The following F8 variants were observed in gnomAD, a reference collection of about 807,000 sequenced individuals.
The protein encoded by F8 is antihemophilic factor.
A neutral mutation model predicts 140.6 loss-of-function variants in F8; 12 were observed. The observed-to-expected ratio is 0.09, with a 90% confidence interval of 0.05 to 0.14. F8 has a LOEUF of 0.14. Ranked by LOEUF, F8 falls within the 10% of genes least tolerant of loss-of-function variation. The pLI, the probability that F8 is intolerant of heterozygous loss-of-function variation, is 1.00. For missense variants in F8, 1,354 were observed against 1,720.7 expected (o/e 0.79, Z 3.77); for synonymous variants, 585 against 614.6 (o/e 0.95, Z 0.71).
At chrX:154,982,537 C>T (rs1603436022) in intron 6 of F8, among the ~76,000 whole-genome samples, 1 of 108,643 alleles carries the variant, frequency 9.2e-6, no homozygotes, top group African/African-American at 3.3e-5. Flanking sequence ...TCATTTATTA[C>T]CATAAAATAT....
Position 154,999,567 on chromosome X carries a change from G to A in F8, c.177C>T (p.Phe59=). 1.7e-6 allele frequency: 2 copies of A among 1,208,043 alleles called. No homozygotes were observed. The highest frequency in any genetic ancestry group is 3.5e-5 in the South Asian group (2 of 56,885). ...FPPRVPKSFP[F]NTSVVYKKTL... ...TCTTTTTGTACACGACTGAGGTGTTGAATGGAAAAGATTTTGGCACTCTAG... is the reference window on the plus strand; with the variant it reads ...TCTTTTTGTACACGACTGAGGTGTTAAATGGAAAAGATTTTGGCACTCTAG... The change falls in exon 2 of 26, where the codon TTC becomes TTT. Residue 59 remains phenylalanine (F), a synonymous_variant. Transcript: ENST00000360256.
rs73563653 is a variant in F8 at position 154,918,432 on chromosome X, C to T, written c.5219+10139G>A. Among the ~76,000 whole-genome samples the T allele has an allele frequency of 8.4e-3, 934 of 110,889 alleles. 14 individuals are homozygous for T. The highest frequency in any genetic ancestry group is 0.029 in the African/African-American group (890 of 30,513). Reference sequence around the variant, plus strand: ...CTAGAGGCAATCAGGCTGCTTCCCACGGATTGAGGCAGGAATGATTTTTCT... The same window carrying T: ...CTAGAGGCAATCAGGCTGCTTCCCATGGATTGAGGCAGGAATGATTTTTCT... On this transcript the variant is annotated intron_variant, in intron 14 of 25. Transcript: ENST00000360256.
At chrX:154,941,023 C>T (rs1177584466) in intron 13 of F8, among the ~76,000 whole-genome samples, 2 of 111,981 alleles carry the variant, frequency 1.8e-5, no homozygotes, top group Non-Finnish European at 3.8e-5. Context: ...AAGCACTAAA[C>T]ATGGAAAGGA....
At chrX:154,982,231 A>C (rs901847620) in intron 6 of F8, among the ~76,000 whole-genome samples, 13 of 106,687 alleles carry the variant, frequency 1.2e-4, no homozygotes, top group Non-Finnish European at 2.3e-4. Flanking sequence ...GTGGATCACG[A>C]GGTCAGGAGA....
rs137852419 is a variant in F8 at position 154,957,049 on chromosome X, T to C, written c.1660A>G (p.Ser554Gly). 8.3e-7 allele frequency: 1 copy of C among 1,209,299 alleles called. No individual in the cohort carries two copies. The highest frequency in any genetic ancestry group is 2.2e-5 in the Admixed American group (1 of 45,951). ...DPRCLTRYYS[S>G]FVNMERDLAS... is the part of the protein sequence containing the mutation. ...AGATCTCTCTCCATATTAACGAAAC[T>C]AGAGTAATAGCGGGTCAGGCACCGA... Residue 554 changes from serine (S) to glycine (G), a missense_variant, in exon 11 of 26, where the codon AGT becomes GGT. By Grantham distance (56) the Ser-to-Gly change is moderately conservative. This residue lies in a region of F8 where 252 missense variants were observed against 338.5 expected (regional missense o/e 0.74). Coordinates refer to ENST00000360256, the MANE Select transcript of F8 (RefSeq NM_000132.4).
chrX:154,943,245 T>A (rs1188292071), intron 13 of F8, among the ~76,000 whole-genome samples: 1 of 111,690 alleles, frequency 9.0e-6, no homozygotes, highest in Non-Finnish European at 1.9e-5. Context: ...TTTGCAGATG[T>A]CAGGATTGTA....
intron 5 of F8, among the ~76,000 whole-genome samples, chrX:154,985,366 G>A (rs893978470): frequency 4.1e-4 from 45 of 110,988 alleles, no homozygotes; most frequent in African/African-American, 1.3e-3. Flanking sequence ...AACCTGGGAG[G>A]TGGACGTTGC....
chrX:154,982,152 C>G (rs1479604497), intron 6 of F8, among the ~76,000 whole-genome samples: 9 of 105,630 alleles, frequency 8.5e-5, no homozygotes, highest in Non-Finnish European at 5.8e-5. Context: ...CCACTGCACT[C>G]CAGCCTGGGT....
At chrX:155,019,293 G>A (rs1337795637) in intron 1 of F8, among the ~76,000 whole-genome samples, 1 of 112,047 alleles carries the variant, frequency 8.9e-6, no homozygotes, top group African/African-American at 3.2e-5. Context: ...TAGAAGGAAT[G>A]TTCACTTTCA....
chrX:154,895,157 A>G (rs184355168), intron 22 of F8, among the ~76,000 whole-genome samples: 179 of 112,099 alleles, frequency 1.6e-3, no homozygotes, highest in African/African-American at 5.4e-3. Context: ...AAATATGCCA[A>G]TCTTTTGCCA....
intron 14 of F8, among the ~76,000 whole-genome samples, chrX:154,913,415 C>G (rs2073078359): frequency 9.0e-6 from 1 of 111,705 alleles, no homozygotes; most frequent in Non-Finnish European, 1.9e-5. Context: ...AGAATCATGC[C>G]TTTCCAACAG....
rs28430439 is a variant in F8 at position 154,893,289 on chromosome X, A to G, written c.6429+2788T>C. Among the ~76,000 whole-genome samples, 386 of 112,271 alleles carry G rather than the reference A, an allele frequency of 3.4e-3. 1 individual carries two copies. The highest frequency in any genetic ancestry group is 5.7e-3 in the Non-Finnish European group (303 of 53,221). On this transcript the variant is annotated intron_variant, in intron 22 of 25. Transcript: ENST00000360256. ...ACCACCTTGAGCACATGTTCTCAGG[A>G]TCTCCTGAGGGCTGTGTCACAGGCC...
intron 4 of F8, among the ~76,000 whole-genome samples, chrX:154,990,283 T>C (rs1557284550): frequency 8.9e-6 from 1 of 111,875 alleles, no homozygotes. Flanking sequence ...TTTGAGTTAT[T>C]TGAATATTTT....
At position 154,954,051 on chromosome X, in the gene F8, T is replaced by TG; in HGVS notation, c.1753-10_1753-9insC. ...CTCTTGTCTGACATTATCTGTTAAT[T>TG]ACATATATTGAAAGGGGTAAAGAAA... On this transcript the variant is annotated splice_polypyrimidine_tract_variant and intron_variant, in intron 11 of 25. Transcript: ENST00000360256. The TG allele has an allele frequency of 8.3e-7, 1 of 1,208,654 alleles. No individual in the cohort carries two copies. The highest frequency in any genetic ancestry group is 1.1e-6 in the Non-Finnish European group (1 of 892,555).
chrX:154,947,579 C>A, intron 13 of F8, 119 bp downstream of exon 13: 1 of 592,312 alleles, frequency 1.7e-6, no homozygotes, highest in Non-Finnish European at 2.9e-6. Context: ...AACTAGATCC[C>A]TGTACCTCAA....
intron 25 of F8, among the ~76,000 whole-genome samples, chrX:154,847,419 A>G (rs1557271818): frequency 8.9e-6 from 1 of 112,041 alleles, no homozygotes; most frequent in East Asian, 2.8e-4. Context: ...TTTCAGGTAC[A>G]CTAATCAGAC....
intron 25 of F8, among the ~76,000 whole-genome samples, chrX:154,844,836 G>A (rs1557271593): frequency 9.1e-6 from 1 of 109,833 alleles, no homozygotes; most frequent in Non-Finnish European, 1.9e-5. Flanking sequence ...ATGTTGAATA[G>A]GAGTGGTGAG....
chrX:154,875,687 T>G (rs2072805988), intron 22 of F8, among the ~76,000 whole-genome samples: 2 of 110,208 alleles, frequency 1.8e-5, no homozygotes, highest in African/African-American at 6.6e-5. Context: ...GTACTGGGAA[T>G]GCACAGCCTA....
Position 154,928,753 on chromosome X carries a change from C to T in F8, c.5037G>A (p.Glu1679=). ...ATATGGTATCATCATAGTCAATTTC[C>T]TCTTGATCTGACTGAAGAGTAGTAC... ...ITRTTLQSDQ[E]EIDYDDTISV... Residue 1679 remains glutamate (E), a synonymous_variant, in exon 14 of 26, where the codon GAG becomes GAA. Coordinates refer to ENST00000360256, the MANE Select transcript of F8 (RefSeq NM_000132.4). The T allele has an allele frequency of 8.3e-7, 1 of 1,211,401 alleles. No individual in the cohort carries two copies. Among genetic ancestry groups the T allele is most frequent in the Non-Finnish European group, 1.1e-6 (1 of 895,369 alleles).
Sources: gnomAD v4.1 joint callset for allele counts (sites outside exome capture counted in the v4.1 genomes callset) on GRCh38, gnomAD v4.1.1 for gene constraint, gnomAD v4.1.1 regional missense constraint, MANE v1.5 for transcripts, NCBI Gene and HGNC (gene_info 2026-07-23, HGNC 2026-07-21) for gene names.